Variants in GPC6 observed in about 807,000 individuals in gnomAD.
GPC6 encodes the protein glypican 6.
A neutral mutation model predicts 55.2 loss-of-function variants in GPC6; 14 were observed. The ratio of observed to expected loss-of-function variants is 0.25; its 90% CI spans 0.17 to 0.40. The LOEUF is 0.40. Among genes scored for constraint, GPC6 ranks in the 10% least tolerant of loss-of-function variants. The pLI is 1.00. For missense variants in GPC6, 641 were observed against 708.5 expected (o/e 0.90, Z 1.08); for synonymous variants, 278 against 259.6 (o/e 1.07, Z -0.68).
intron 3 of GPC6, among the ~76,000 whole-genome samples, chr13:94,019,550 T>A (rs1882618220): frequency 6.6e-6 from 1 of 152,114 alleles, no homozygotes; most frequent in African/African-American, 2.4e-5. Flanking sequence ...CCTTGTTATT[T>A]CTTGCTTATC....
At chr13:94,381,573 A>C (rs1034636675) in intron 6 of GPC6, among the ~76,000 whole-genome samples, 3 of 152,234 alleles carry the variant, frequency 2.0e-5, no homozygotes, top group Non-Finnish European at 4.4e-5. Flanking sequence ...CTATCTCAAA[A>C]TAAAGTCACA....
intron 4 of GPC6, among the ~76,000 whole-genome samples, chr13:94,156,433 T>C (rs1887943393): frequency 1.3e-5 from 2 of 152,120 alleles, no homozygotes; most frequent in African/African-American, 4.8e-5. Flanking sequence ...GATATAGACA[T>C]AGATATATAG....
intron 1 of GPC6, among the ~76,000 whole-genome samples, chr13:93,466,973 A>G (rs1878927088): frequency 6.6e-6 from 1 of 152,210 alleles, no homozygotes; most frequent in Non-Finnish European, 1.5e-5. Flanking sequence ...TTACTGACAA[A>G]GAAAGGGGAG....
At position 93,563,169 on chromosome 13, in the gene GPC6, C is replaced by T. The variant is rs376916210; in HGVS notation, c.319+17748C>T. Among the ~76,000 whole-genome samples, 10 of 152,126 alleles carry T rather than the reference C, an allele frequency of 6.6e-5. No homozygotes were observed. In the East Asian group the frequency reaches 1.9e-3, roughly 29 times the overall value. On this transcript the variant is annotated intron_variant, in intron 2 of 8. Transcript: ENST00000377047. ...GTGAATAAGTCTTTGTTTTGGCATT[C>T]TCACTTCGACAATATTGGATATGAT...
At chr13:94,027,524 T>C (rs1242151091) in intron 3 of GPC6, among the ~76,000 whole-genome samples, 2 of 151,956 alleles carry the variant, frequency 1.3e-5, no homozygotes, top group African/African-American at 4.8e-5. Context: ...TACAATGACA[T>C]CGATATGAAA....
At chr13:94,188,621 G>C (rs532772820) in intron 4 of GPC6, among the ~76,000 whole-genome samples, 29 of 152,146 alleles carry the variant, frequency 1.9e-4, no homozygotes, top group Admixed American at 3.3e-4. Context: ...CGGGAGCCAT[G>C]GTGGATGCCG....
chr13:93,912,349 C>T (rs1027006704), intron 3 of GPC6, among the ~76,000 whole-genome samples: 4 of 152,138 alleles, frequency 2.6e-5, no homozygotes, highest in Non-Finnish European at 5.9e-5. Flanking sequence ...ATGGCCTTTT[C>T]TGTTTTCTCC....
At chr13:94,166,914 T>C (rs1420362450) in intron 4 of GPC6, among the ~76,000 whole-genome samples, 4 of 152,182 alleles carry the variant, frequency 2.6e-5, no homozygotes, top group Admixed American at 2.0e-4. Context: ...CAAAGTTATT[T>C]TGGTAAAGTT....
At chr13:94,156,800 A>C (rs1270366937) in intron 4 of GPC6, among the ~76,000 whole-genome samples, 2 of 152,186 alleles carry the variant, frequency 1.3e-5, no homozygotes, top group African/African-American at 4.8e-5. Flanking sequence ...CATAGTTCTC[A>C]TTTAAGCTAC....
chr13:94,062,560 A>G (rs1197440296), intron 4 of GPC6, among the ~76,000 whole-genome samples: 1 of 152,014 alleles, frequency 6.6e-6, no homozygotes, highest in Non-Finnish European at 1.5e-5. Context: ...CTTACCCTCT[A>G]CATTTCTATG....
At chr13:94,199,273 T>G (rs182354452) in intron 4 of GPC6, among the ~76,000 whole-genome samples, 216 of 152,314 alleles carry the variant, frequency 1.4e-3, no homozygotes, top group Admixed American at 2.7e-3. Flanking sequence ...GCTGAGTCAT[T>G]GACTCTTTTT....
At chr13:93,909,710 G>A (rs985197693) in intron 3 of GPC6, among the ~76,000 whole-genome samples, 3 of 78,354 alleles carry the variant, frequency 3.8e-5, no homozygotes, top group African/African-American at 1.0e-4. Context: ...GAAGCAGAAG[G>A]ATTTTAGGAA....
chr13:93,410,483 A>G (rs547234638), intron 1 of GPC6, among the ~76,000 whole-genome samples: 1 of 152,280 alleles, frequency 6.6e-6, no homozygotes, highest in African/African-American at 2.4e-5. Context: ...CCCTGCCTGA[A>G]AGAATATAGG....
rs532217149 is a variant in GPC6, at chr13:94,382,452, G to T, written c.1191G>T (p.Lys397Asn). ...DIKEKLKLSK[K>N]VWSALPYTIC... ...AAGAGAAATTGAAGCTCTCTAAAAA[G>T]GTCTGGTCAGCATTACCCTACACTA... The change falls in exon 7 of 9, where the codon AAG (lysine) becomes AAT (asparagine). Residue 397 changes from lysine to asparagine, a missense_variant. Physicochemically the swap from Lys to Asn is moderately conservative, Grantham distance 94. Coordinates refer to ENST00000377047, the MANE Select transcript of GPC6 (RefSeq NM_005708.5). 6.2e-7 allele frequency: 1 copy of T among 1,614,062 alleles called. No individual in the cohort carries two copies. The highest frequency in any genetic ancestry group is 2.2e-5 in the East Asian group (1 of 44,878).
Position 93,519,865 on chromosome 13 carries a change from A to C in GPC6, c.161-25398A>C, listed in dbSNP as rs926597045. The stretch of plus-strand genomic sequence containing the variant: ...AAAATGTGAAAATTCAACGTCTTTA[A>C]AAGAATGCTTTGCTATGGTTTTTTA... On this transcript the variant is annotated intron_variant, in intron 1 of 8. Coordinates refer to ENST00000377047, the MANE Select transcript of GPC6 (RefSeq NM_005708.5). Among the ~76,000 whole-genome samples the C allele has an allele frequency of 1.1e-4, 17 of 152,046 alleles. 1 individual carries two copies. The highest frequency in any genetic ancestry group is 4.1e-4 in the African/African-American group (17 of 41,430).
intron 4 of GPC6, among the ~76,000 whole-genome samples, chr13:94,244,586 G>C (rs1407901770): frequency 6.6e-6 from 1 of 151,924 alleles, no homozygotes; most frequent in Non-Finnish European, 1.5e-5. Flanking sequence ...TTTTTGGAAG[G>C]ACAAAATAAT....
intron 4 of GPC6, among the ~76,000 whole-genome samples, chr13:94,177,443 A>G (rs972742642): frequency 6.6e-6 from 1 of 152,160 alleles, no homozygotes; most frequent in Non-Finnish European, 1.5e-5. Flanking sequence ...ATTTTTCACA[A>G]TGAGCCCTTT....
At chr13:93,467,831 T>G (rs1280742645) in intron 1 of GPC6, among the ~76,000 whole-genome samples, 1 of 151,972 alleles carries the variant, frequency 6.6e-6, no homozygotes, top group Non-Finnish European at 1.5e-5. Flanking sequence ...GCTGAAGTGA[T>G]TTTCCCGCCA....
chr13:93,402,784 C>T (rs149134273), intron 1 of GPC6, among the ~76,000 whole-genome samples: 23 of 152,186 alleles, frequency 1.5e-4, no homozygotes, highest in Non-Finnish European at 2.8e-4. Context: ...ACATGCTCTA[C>T]GAGAAGTCAA....
Sources: gnomAD v4.1 joint callset for allele counts (sites outside exome capture counted in the v4.1 genomes callset) on GRCh38, gnomAD v4.1.1 for gene constraint, MANE v1.5 for transcripts, NCBI Gene and HGNC (gene_info 2026-07-23, HGNC 2026-07-21) for gene names.